TNRC6C: variants seen among roughly 807,000 people sequenced by gnomAD.
TNRC6C encodes the protein trinucleotide repeat-containing gene 6C protein.
In TNRC6C, 20 loss-of-function variants were observed where a neutral mutation model predicts 153.7. The ratio of observed to expected loss-of-function variants is 0.13; its 90% CI spans 0.09 to 0.19. TNRC6C has a LOEUF of 0.19. Among genes scored for constraint, TNRC6C ranks in the 10% least tolerant of loss-of-function variants. TNRC6C has a pLI of 1.00. For missense variants in TNRC6C, 1,987 were observed against 2,172.0 expected (o/e 0.91, Z 1.69); for synonymous variants, 811 against 841.4 (o/e 0.96, Z 0.63).
chr17:78,088,841 T>C (rs1383756580), intron 13 of TNRC6C, among the ~76,000 whole-genome samples: 1 of 152,132 alleles, frequency 6.6e-6, no homozygotes, highest in East Asian at 1.9e-4. Flanking sequence ...ATGTAAGTGC[T>C]TCTGTTTTAG....
Position 78,102,464 on chromosome 17 carries a change from C to T in TNRC6C, c.4502-10C>T, listed in dbSNP as rs749902678. On this transcript the variant is annotated splice_polypyrimidine_tract_variant and intron_variant, in intron 17 of 19. Transcript: ENST00000301624. Reference sequence around the variant, plus strand: ...GGCCTTGTCAACCAGGTTCTCCCCTCTTGTTGCAGGTTCTGCCTGGAGCAC... The same window carrying T: ...GGCCTTGTCAACCAGGTTCTCCCCTTTTGTTGCAGGTTCTGCCTGGAGCAC... The T allele has an allele frequency of 1.9e-6, 3 of 1,603,678 alleles. No individual in the cohort carries two copies. The highest frequency in any genetic ancestry group is 2.6e-6 in the Non-Finnish European group (3 of 1,175,192).
chr17:78,048,874 T>C, exon 3 of TNRC6C: 1 of 1,245,300 alleles, frequency 8.0e-7, no homozygotes. Context: ...GGCAGATCAT[T>C]ATGAAAATTC....
chr17:77,988,662 G>A (rs1803902496), intron 1 of TNRC6C, among the ~76,000 whole-genome samples: 1 of 152,154 alleles, frequency 6.6e-6, no homozygotes, highest in Non-Finnish European at 1.5e-5. Flanking sequence ...CTGCTTCAGT[G>A]GAATTTGAAA....
intron 1 of TNRC6C, among the ~76,000 whole-genome samples, chr17:77,984,535 GGT>G (rs2071131583): frequency 6.6e-6 from 1 of 152,020 alleles, no homozygotes; most frequent in South Asian, 2.1e-4. Context: ...AGAAGTAGGG[GGT>G]ATCTCTCCAC....
Position 78,091,307 on chromosome 17 carries a change from C to G in TNRC6C, c.3803-133C>G, listed in dbSNP as rs1421141527. 5 of 1,049,680 alleles carry G rather than the reference C, an allele frequency of 4.8e-6. No homozygotes were observed. In the African/African-American group the frequency reaches 8.5e-5, roughly 18 times the overall value. 65.0% of individuals were successfully genotyped at this position (1,049,680 alleles called of 1,614,324 possible). On this transcript the variant is annotated intron_variant, in intron 13 of 19. Transcript: ENST00000301624. The stretch of plus-strand genomic sequence containing the variant: ...TGCCATTGCACTCCAGCCTGGGCAT[C>G]AAGAGCAAGACTCCGTCTCAAAAAA...
exon 14 of TNRC6C, chr17:78,091,555 G>T: frequency 6.2e-7 from 1 of 1,601,732 alleles, no homozygotes; most frequent in Non-Finnish European, 8.5e-7. Flanking sequence ...CCAACTCCAT[G>T]GATAACTTGC....
exon 3 of TNRC6C, chr17:78,050,330 A>T (rs1351875659): frequency 6.3e-7 from 1 of 1,597,228 alleles, no homozygotes; most frequent in Non-Finnish European, 8.5e-7. Context: ...CGAAGGCGAG[A>T]TAAAGGGATT....
intron 1 of TNRC6C, among the ~76,000 whole-genome samples, chr17:77,984,982 A>G (rs559432442): frequency 2.6e-5 from 4 of 152,292 alleles, no homozygotes; most frequent in African/African-American, 7.2e-5. Context: ...TATTAACTCT[A>G]TCCTGTTCTA....
chr17:77,959,382 C>A (rs1204256848), intron 1 of TNRC6C, 114 bp downstream of exon 1: 2 of 151,628 alleles, frequency 1.3e-5, no homozygotes, highest in Non-Finnish European at 2.9e-5. Flanking sequence ...TAGCGACCCG[C>A]GTGCGGCGCC....
chr17:78,065,069 C>A, intron 4 of TNRC6C, 132 bp downstream of exon 6: 1 of 1,083,260 alleles, frequency 9.2e-7, no homozygotes, highest in Non-Finnish European at 1.3e-6. Flanking sequence ...AGAGTCTTGG[C>A]CAAGCACAGT....
chr17:77,979,747 A>G (rs1193743321), intron 1 of TNRC6C, among the ~76,000 whole-genome samples: 2 of 152,184 alleles, frequency 1.3e-5, no homozygotes, highest in Non-Finnish European at 2.9e-5. Context: ...AGCAGAATCA[A>G]TACCAAAAAA....
chr17:78,023,387 C>T (rs962876624), intron 1 of TNRC6C, among the ~76,000 whole-genome samples: 2 of 152,216 alleles, frequency 1.3e-5, no homozygotes, highest in Non-Finnish European at 2.9e-5. Flanking sequence ...GCTAATAGTT[C>T]TCTTTTTTTA....
Position 78,067,785 on chromosome 17 carries a change from C to T in TNRC6C, c.2640C>T (p.Gly880=), listed in dbSNP as rs112927668. The stretch of plus-strand genomic sequence containing the variant: ...CAAAATCTATGCAAGAAGGCTGGGG[C>T]AGTGGTGGGGATGAAATGAACCTCA... The change falls in exon 5 of 20, where the codon GGC becomes GGT. Residue 880 remains glycine (G), a synonymous_variant. Transcript: ENST00000301624. 1,673 of 1,612,524 alleles carry T rather than the reference C, an allele frequency of 1.0e-3. 10 individuals carry two copies. The African/African-American group carries it at 0.02, about 19-fold the overall frequency.
intron 11 of TNRC6C, among the ~76,000 whole-genome samples, chr17:78,084,225 A>G (rs547452999): frequency 3.3e-5 from 5 of 151,086 alleles, no homozygotes; most frequent in Admixed American, 2.7e-4. Context: ...CGGAGGTTGC[A>G]GTGAGCCTCG....
At chr17:77,997,687 C>T (rs984243506) in intron 1 of TNRC6C, among the ~76,000 whole-genome samples, 7 of 151,514 alleles carry the variant, frequency 4.6e-5, no homozygotes, top group East Asian at 1.9e-4. Flanking sequence ...GATGGAGTCT[C>T]GCTCTGTCAC....
chr17:78,082,089 G>C (rs1449560410), intron 10 of TNRC6C, among the ~76,000 whole-genome samples: 1 of 150,626 alleles, frequency 6.6e-6, no homozygotes, highest in East Asian at 1.9e-4. Flanking sequence ...GCAGGATCTG[G>C]CCAGCAGCCT....
upstream of TNRC6C, among the ~76,000 whole-genome samples, chr17:78,000,800 T>C (rs898801217): frequency 6.6e-6 from 1 of 152,172 alleles, no homozygotes; most frequent in African/African-American, 2.4e-5. Flanking sequence ...TGCCCTCTTT[T>C]ATTGAATTTT....
At chr17:78,051,509 A>G (rs1598735792) in intron 3 of TNRC6C, 61 bp downstream of exon 5, 2 of 1,360,586 alleles carry the variant, frequency 1.5e-6, no homozygotes, top group East Asian at 5.2e-5. Context: ...GCTTATTCTC[A>G]TTATATATTC....
At chr17:78,107,667 TTAA>T (rs2073725159) in exon 20 of TNRC6C, 1 of 152,246 alleles carries the variant, frequency 6.6e-6, no homozygotes, top group South Asian at 2.1e-4. Flanking sequence ...TATTGAAATC[TTAA>T]TCATCATCGA....
Sources: gnomAD v4.1 joint callset for allele counts (sites outside exome capture counted in the v4.1 genomes callset) on GRCh38, gnomAD v4.1.1 for gene constraint, MANE v1.5 for transcripts, NCBI Gene and HGNC (gene_info 2026-07-23, HGNC 2026-07-21) for gene names.